CDKAL1: variants seen among roughly 807,000 people sequenced by gnomAD.
CDKAL1 encodes the protein CDKAL1 threonylcarbamoyladenosine tRNA methylthiotransferase.
Under a neutral mutation model 68.2 loss-of-function variants are expected in CDKAL1, and 32 were observed. The ratio of observed to expected loss-of-function variants is 0.47; its 90% CI spans 0.35 to 0.63. The LOEUF is 0.63. Among genes scored for constraint, CDKAL1 ranks in the 30% least tolerant of loss-of-function variants. The probability of loss-of-function intolerance (pLI) is 0.00; values close to 1 mark genes in which losing one functional copy is unlikely to be tolerated. For synonymous variants in CDKAL1, 234 were observed against 244.3 expected (o/e 0.96, Z 0.39); for missense variants, 606 against 696.7 (o/e 0.87, Z 1.47).
intron 8 of CDKAL1, among the ~76,000 whole-genome samples, chr6:20,807,463 G>A (rs918374824): frequency 1.3e-5 from 2 of 151,908 alleles, no homozygotes; most frequent in South Asian, 2.1e-4. Flanking sequence ...CCTTGTGATC[G>A]GCCCACCTCG....
At chr6:21,068,663 G>A (rs964401690) in intron 12 of CDKAL1, among the ~76,000 whole-genome samples, 1 of 152,110 alleles carries the variant, frequency 6.6e-6, no homozygotes, top group Non-Finnish European at 1.5e-5. Flanking sequence ...GGCAATGTAA[G>A]TATTTCAATG....
intron 13 of CDKAL1, among the ~76,000 whole-genome samples, chr6:21,124,272 A>G (rs969162948): frequency 1.3e-5 from 2 of 152,104 alleles, no homozygotes; most frequent in Non-Finnish European, 2.9e-5. Flanking sequence ...ATGTATCTCT[A>G]TCAGGGTTTC....
intron 1 of CDKAL1, chr6:20,535,036 G>A (rs1467049646): frequency 5.3e-5 from 8 of 152,240 alleles, no homozygotes; most frequent in East Asian, 3.9e-4. Flanking sequence ...CTTTCGGATG[G>A]AACGTGATCT....
chr6:20,946,204 A>C (rs1002519934), intron 9 of CDKAL1, among the ~76,000 whole-genome samples: 4 of 152,168 alleles, frequency 2.6e-5, no homozygotes, highest in African/African-American at 9.7e-5. Flanking sequence ...CCCATTGTAC[A>C]ATTCTTTCTC....
intron 9 of CDKAL1, among the ~76,000 whole-genome samples, chr6:20,925,844 G>A (rs559238580): frequency 2.8e-4 from 42 of 152,194 alleles, no homozygotes; most frequent in African/African-American, 9.6e-4. Flanking sequence ...TATCAATTTT[G>A]TTCCTCTCTT....
intron 8 of CDKAL1, among the ~76,000 whole-genome samples, chr6:20,806,868 G>A (rs1302182702): frequency 1.3e-5 from 2 of 152,148 alleles, no homozygotes; most frequent in African/African-American, 2.4e-5. Context: ...AAGCTGAAGT[G>A]GAATCTGCTA....
At chr6:20,567,203 G>A (rs1451828982) in intron 4 of CDKAL1, among the ~76,000 whole-genome samples, 1 of 148,510 alleles carries the variant, frequency 6.7e-6, no homozygotes, top group African/African-American at 2.5e-5. Flanking sequence ...AAGTAATCGT[G>A]GTCTTTGCCA....
At chr6:21,164,578 C>T (rs569723941) in intron 13 of CDKAL1, among the ~76,000 whole-genome samples, 1 of 152,270 alleles carries the variant, frequency 6.6e-6, no homozygotes, top group East Asian at 1.9e-4. Context: ...CCATTTATGC[C>T]TAATATTGCT....
At chr6:20,954,897 T>A (rs534792162) in intron 9 of CDKAL1, among the ~76,000 whole-genome samples, 2 of 152,210 alleles carry the variant, frequency 1.3e-5, no homozygotes, top group Non-Finnish European at 2.9e-5. Flanking sequence ...CTATTTTTAA[T>A]TGAATAATGA....
At chr6:21,023,926 C>A (rs950118484) in intron 11 of CDKAL1, among the ~76,000 whole-genome samples, 1 of 151,964 alleles carries the variant, frequency 6.6e-6, no homozygotes, top group African/African-American at 2.4e-5. Context: ...AGTTGTTTTT[C>A]TTTGGTTTAC....
rs1271646823 is a variant in CDKAL1 at position 21,210,822 on chromosome 6, G to A, written c.1548+9548G>A. Among the ~76,000 whole-genome samples the A allele has an allele frequency of 2.6e-5, 4 of 152,156 alleles. No homozygotes were observed. In the East Asian group the frequency reaches 7.7e-4, roughly 29 times the overall value. On this transcript the variant is annotated intron_variant, in intron 15 of 15. Coordinates refer to ENST00000274695, the MANE Select transcript of CDKAL1 (RefSeq NM_017774.3). ...AGGATGCTAGATGGCCCACAGAATT[G>A]TTAGAAGGGCCAGGGACCAGAATCT... is the stretch of plus-strand genomic sequence containing the variant.
intron 10 of CDKAL1, among the ~76,000 whole-genome samples, chr6:20,972,489 C>A (rs756438934): frequency 7.2e-5 from 11 of 152,324 alleles, no homozygotes; most frequent in Non-Finnish European, 1.6e-4. Context: ...CTTCCCAAGT[C>A]CTTCAGATTT....
At chr6:21,207,087 A>G (rs1434891296) in intron 15 of CDKAL1, among the ~76,000 whole-genome samples, 16 of 151,910 alleles carry the variant, frequency 1.1e-4, no homozygotes, top group Non-Finnish European at 1.5e-5. Context: ...TAATTTTTGT[A>G]TTTTTAGTAG....
intron 13 of CDKAL1, among the ~76,000 whole-genome samples, chr6:21,130,559 C>T (rs1019640962): frequency 2.0e-5 from 3 of 152,132 alleles, no homozygotes; most frequent in African/African-American, 7.2e-5. Flanking sequence ...CTGATTTGCT[C>T]AATTAAATGT....
chr6:21,201,947 G>T (rs1346694117), intron 15 of CDKAL1, among the ~76,000 whole-genome samples: 1 of 147,842 alleles, frequency 6.8e-6, no homozygotes, highest in East Asian at 1.9e-4. Flanking sequence ...CAACACAATT[G>T]TTAAGCGCTT....
intron 5 of CDKAL1, among the ~76,000 whole-genome samples, chr6:20,659,891 C>G (rs1420878167): frequency 6.6e-6 from 1 of 152,132 alleles, no homozygotes; most frequent in African/African-American, 2.4e-5. Context: ...TTCAATGCCT[C>G]TCTCTCCTAC....
chr6:21,013,832 A>G (rs567741204), intron 11 of CDKAL1, among the ~76,000 whole-genome samples: 28 of 152,326 alleles, frequency 1.8e-4, no homozygotes, highest in African/African-American at 5.1e-4. Context: ...TGGGCTGTCA[A>G]TGACCAAAAA....
chr6:21,143,416 A>G (rs1776019795), intron 13 of CDKAL1, among the ~76,000 whole-genome samples: 2 of 152,114 alleles, frequency 1.3e-5, no homozygotes, highest in South Asian at 4.1e-4. Context: ...TAATATTAGC[A>G]TTTCATCACA....
chr6:20,848,791 T>G (rs1383410687), intron 9 of CDKAL1, among the ~76,000 whole-genome samples: 1 of 151,314 alleles, frequency 6.6e-6, no homozygotes, highest in Non-Finnish European at 1.5e-5. Context: ...CTTTCTTTCT[T>G]TCTTTTTTTT....
Sources: allele counts gnomAD v4.1 joint callset (sites outside exome capture counted in the v4.1 genomes callset), GRCh38; gene constraint gnomAD v4.1.1; transcripts MANE v1.5; gene names NCBI Gene and HGNC (gene_info 2026-07-23, HGNC 2026-07-21).